MYNN: variants seen among roughly 807,000 people sequenced by gnomAD.
MYNN encodes zinc finger and BTB domain-containing protein 31.
MYNN carries 22 observed loss-of-function variants against 57.2 expected under a neutral mutation model. That is an observed-to-expected ratio of 0.38 (90% CI 0.27 to 0.55). MYNN has a LOEUF of 0.55. MYNN is among the 20% of genes least tolerant of loss of function. The pLI is 0.71. For missense variants in MYNN, 566 were observed against 723.1 expected (o/e 0.78, Z 2.49); for synonymous variants, 241 against 257.1 (o/e 0.94, Z 0.60).
rs550144389 is a variant in MYNN at position 169,785,073 on chromosome 3, G to C, written c.1570+365G>C. Among the ~76,000 whole-genome samples the C allele has an allele frequency of 1.0e-4, 15 of 146,882 alleles. No individual in the cohort carries two copies. The East Asian group carries it at 1.3e-3, about 13-fold the overall frequency. On this transcript the variant is annotated intron_variant, in intron 7 of 7. Coordinates refer to ENST00000349841, the MANE Select transcript of MYNN (RefSeq NM_018657.5). ...ACTATGGTTATTATGAAAAAAAAGG[G>C]GGGGGGGGTGGTGTTATCATGAACA...
intron 3 of MYNN, 41 bp downstream of exon 3, chr3:169,779,602 A>G (rs1778451258): frequency 6.4e-7 from 1 of 1,564,302 alleles, no homozygotes; most frequent in African/African-American, 1.4e-5. Flanking sequence ...TTATACTGTG[A>G]CTAATATAGT....
At chr3:169,785,836 G>T (rs1560590004) in intron 7 of MYNN, among the ~76,000 whole-genome samples, 1 of 152,032 alleles carries the variant, frequency 6.6e-6, no homozygotes. Context: ...GAAGGCAAAA[G>T]TACATCTTTA....
rs1168439227 is a variant in MYNN at position 169,779,284 on chromosome 3, A to G, written c.783A>G (p.Gly261=). The change falls in exon 3 of 8, where the codon GGA becomes GGG. Residue 261 remains glycine, a synonymous_variant. Transcript: ENST00000349841. The part of the protein sequence containing the change: ...VHTVTVKRKR[G]KSQPNCALKE... Reference sequence around the variant, plus strand: ...CTGTTACAGTGAAACGGAAACGTGGAAAATCACAGCCAAACTGTGCTCTGA... The same window carrying G: ...CTGTTACAGTGAAACGGAAACGTGGGAAATCACAGCCAAACTGTGCTCTGA... 18 of 1,614,096 alleles carry G rather than the reference A, an allele frequency of 1.1e-5. No individual in the cohort carries two copies. In the Admixed American group the frequency reaches 3.0e-4, roughly 27 times the overall value.
intron 2 of MYNN, 59 bp from the exon 3 acceptor site, chr3:169,778,709 T>C (rs1205670470): frequency 7.3e-7 from 1 of 1,378,896 alleles, no homozygotes; most frequent in Non-Finnish European, 9.9e-7. Flanking sequence ...TATATGCAGC[T>C]CTGTTTCGAA....
At chr3:169,785,316 G>T (rs1042520796) in intron 7 of MYNN, among the ~76,000 whole-genome samples, 2 of 151,920 alleles carry the variant, frequency 1.3e-5, no homozygotes, top group African/African-American at 2.4e-5. Context: ...TATTAAGTTA[G>T]AAACATCTAA....
At position 169,783,494 on chromosome 3, in the gene MYNN, T is replaced by C. The variant is rs187052986; in HGVS notation, c.1417T>C (p.Cys473Arg). The C allele has an allele frequency of 1.9e-6, 3 of 1,608,722 alleles. No homozygotes were observed. Among genetic ancestry groups the C allele is most frequent in the Admixed American group, 3.3e-5 (2 of 59,916 alleles). The change falls in exon 6 of 8, where the codon TGT (cysteine) becomes CGT (arginine). Residue 473 changes from cysteine (C) to arginine (R), a missense_variant. Cys to Arg is a radical substitution (Grantham distance 180). Coordinates refer to ENST00000349841, the MANE Select transcript of MYNN (RefSeq NM_018657.5). ...CCATCTAGGTGAAAAACCATACATA[T>C]GTGGTATTTGTGGGAAAAGTTTTAT... ...RKHTGEKPYICGICGKSFISS... is the reference protein window; with the variant it reads ...RKHTGEKPYIRGICGKSFISS...
Position 169,776,415 on chromosome 3 carries a change from C to T in MYNN, c.266+1854C>T, listed in dbSNP as rs181763042. On this transcript the variant is annotated intron_variant, in intron 2 of 7. Coordinates refer to ENST00000349841, the MANE Select transcript of MYNN (RefSeq NM_018657.5). ...ACATTCTGTGCTCTTGGACAGGTTA[C>T]TTTATTTCTTTGGACTTCTGATTTT... Among the ~76,000 whole-genome samples the T allele has an allele frequency of 3.3e-5, 5 of 152,298 alleles. No homozygotes were observed. In the East Asian group the frequency reaches 9.6e-4, roughly 29 times the overall value.
intron 4 of MYNN, among the ~76,000 whole-genome samples, chr3:169,781,315 G>A (rs892286901): frequency 2.0e-5 from 3 of 152,176 alleles, no homozygotes; most frequent in Non-Finnish European, 4.4e-5. Context: ...AGGAATTTAC[G>A]AGTACAGTTC....
intron 3 of MYNN, chr3:169,780,084 G>GTCTCACT: frequency 6.4e-6 from 1 of 156,956 alleles, no homozygotes; most frequent in South Asian, 1.9e-4. Context: ...CTGAGACAGA[G>GTCTCACT]TCTCACTGTG....
In MYNN at chr3:169,780,480, AC is replaced by A; in HGVS notation, c.1061-109del. 4.3e-6 allele frequency: 3 copies of A among 696,788 alleles called. No individual in the cohort carries two copies. The South Asian group carries it at 7.6e-5, about 18-fold the overall frequency. The allele number at this position is 696,788 out of a possible 1,614,324, so 43.2% of individuals were successfully genotyped here. A position where few individuals can be genotyped will look rare whatever the true frequency, so the allele number is the denominator to read the frequency against. ...AAGATTATATTTGTTTTCAGTTCCA[AC>A]AGTTAACATTTTCTTAATAACAAAG... On this transcript the variant is annotated intron_variant, in intron 3 of 7. Coordinates refer to ENST00000349841, the MANE Select transcript of MYNN (RefSeq NM_018657.5).
intron 7 of MYNN, among the ~76,000 whole-genome samples, chr3:169,785,484 TAAATA>T (rs1778651393): frequency 6.6e-6 from 1 of 151,700 alleles, no homozygotes; most frequent in Admixed American, 6.6e-5. Context: ...ATAAACTAAA[TAAATA>T]GGGAAAATGT....
Position 169,782,513 on chromosome 3 carries a change from A to G in MYNN, c.1269A>G (p.Arg423=). The change falls in exon 5 of 8, where the codon AGA becomes AGG. Residue 423 remains arginine, a synonymous_variant. Transcript: ENST00000349841. The surrounding 1 kb of genome is among the most constrained non-coding windows in gnomAD (Gnocchi z 4.8). The part of the protein sequence containing the change: ...KPYVCDRCGQ[R]FAQASTLTYH... Reference sequence around the variant, plus strand: ...ATGTCTGTGATAGGTGTGGACAGAGATTTGCTCAAGCCAGCACACTGACCT... The same window carrying G: ...ATGTCTGTGATAGGTGTGGACAGAGGTTTGCTCAAGCCAGCACACTGACCT... 1 of 1,613,948 alleles carries G rather than the reference A, an allele frequency of 6.2e-7. No individual in the cohort carries two copies. Among genetic ancestry groups the G allele is most frequent in the Non-Finnish European group, 8.5e-7 (1 of 1,179,898 alleles).
At chr3:169,777,794 C>CT (rs1244453391) in intron 2 of MYNN, 3 of 152,198 alleles carry the variant, frequency 2.0e-5, no homozygotes, top group Non-Finnish European at 4.4e-5. Context: ...CTTTGTAACT[C>CT]TCACATCACG....
chr3:169,780,955 C>T (rs749486407), intron 4 of MYNN, among the ~76,000 whole-genome samples: 3 of 152,116 alleles, frequency 2.0e-5, no homozygotes, highest in African/African-American at 2.4e-5. Context: ...TAAGGTCAGA[C>T]TCGTCCAGAA....
intron 7 of MYNN, among the ~76,000 whole-genome samples, chr3:169,785,939 A>G (rs1337138979): frequency 6.6e-6 from 1 of 152,104 alleles, no homozygotes; most frequent in East Asian, 1.9e-4. Flanking sequence ...AACTCACAGA[A>G]TAATATGAAC....
intron 2 of MYNN, chr3:169,778,428 C>T (rs1778410978): frequency 5.5e-6 from 1 of 180,642 alleles, no homozygotes; most frequent in East Asian, 1.5e-4. Flanking sequence ...CTGAAGAAGC[C>T]TCAGGATGAA....
chr3:169,785,969 G>T (rs987297772), intron 7 of MYNN, among the ~76,000 whole-genome samples: 1 of 152,046 alleles, frequency 6.6e-6, no homozygotes, highest in Non-Finnish European at 1.5e-5. Context: ...AAAACATTCA[G>T]TGAATGAAAA....
At chr3:169,780,535 C>G in intron 3 of MYNN, 55 bp from the exon 4 acceptor site, 5 of 1,325,092 alleles carry the variant, frequency 3.8e-6, no homozygotes, top group Admixed American at 4.6e-5. Flanking sequence ...TCTTATATGA[C>G]TTATGCAACC....
chr3:169,774,792 A>G (rs1297058353), intron 2 of MYNN, among the ~76,000 whole-genome samples: 1 of 152,236 alleles, frequency 6.6e-6, no homozygotes, highest in Non-Finnish European at 1.5e-5. Context: ...ATTTACTGAA[A>G]CAAAGCCTGT....
Sources: gnomAD v4.1 joint callset for allele counts (sites outside exome capture counted in the v4.1 genomes callset) on GRCh38, gnomAD v4.1.1 for gene constraint, Gnocchi (gnomAD v3.1) non-coding constraint, MANE v1.5 for transcripts, NCBI Gene and HGNC (gene_info 2026-07-23, HGNC 2026-07-21) for gene names.